GRM8: variants seen among roughly 807,000 people sequenced by gnomAD.
The protein encoded by GRM8 is glutamate metabotropic receptor 8.
A neutral mutation model predicts 87.2 loss-of-function variants in GRM8; 47 were observed. The observed-to-expected ratio is 0.54, with a 90% CI of 0.43 to 0.69. The LOEUF (loss-of-function observed/expected upper bound fraction) is 0.69. Among genes scored for constraint, GRM8 ranks in the 30% least tolerant of loss-of-function variants. The probability of loss-of-function intolerance (pLI) is 0.00; values close to 1 mark genes in which losing one functional copy is unlikely to be tolerated. For missense variants in GRM8, 1,019 were observed against 1,139.2 expected, an observed-to-expected ratio of 0.89 and a Z score of 1.52; for synonymous variants, 396 against 404.5, an observed-to-expected ratio of 0.98 and a Z score of 0.25.
rs186158215 is a variant in GRM8, at chr7:126,469,521, A to C, written c.2431-23149T>G. Among the ~76,000 whole-genome samples, 6 of 152,198 alleles carry C rather than the reference A, an allele frequency of 3.9e-5. No homozygotes were observed. The East Asian group carries it at 1.2e-3, about 30-fold the overall frequency. On this transcript the variant is annotated intron_variant, in intron 9 of 10. Transcript: ENST00000339582. ...TCATGGGAGGGACTCAGTGGGAGGG[A>C]ATTGAATCATGAGGGTGGTTACCTC...
chr7:126,586,171 GA>G (rs1203961944), intron 8 of GRM8, among the ~76,000 whole-genome samples: 1 of 151,358 alleles, frequency 6.6e-6, no homozygotes, highest in African/African-American at 2.4e-5. Context: ...ACTGCTCAAC[GA>G]AAAAAAAGTG....
intron 3 of GRM8, among the ~76,000 whole-genome samples, chr7:126,971,819 T>A (rs150390213): frequency 1.5e-4 from 23 of 152,294 alleles, no homozygotes; most frequent in African/African-American, 5.5e-4. Context: ...TCCAAAGATT[T>A]ATTCAAGGCA....
intron 3 of GRM8, among the ~76,000 whole-genome samples, chr7:127,041,180 A>G (rs1259758573): frequency 6.6e-6 from 1 of 152,214 alleles, no homozygotes; most frequent in African/African-American, 2.4e-5. Context: ...AGTTCTCTGA[A>G]TCAAGGGCCA....
intron 8 of GRM8, among the ~76,000 whole-genome samples, chr7:126,597,832 T>C (rs1420023882): frequency 6.6e-6 from 1 of 152,132 alleles, no homozygotes; most frequent in African/African-American, 2.4e-5. Flanking sequence ...GGGGTACATA[T>C]GACATTTTGA....
At chr7:126,911,324 T>C (rs965218467) in intron 3 of GRM8, among the ~76,000 whole-genome samples, 1 of 152,182 alleles carries the variant, frequency 6.6e-6, no homozygotes, top group Non-Finnish European at 1.5e-5. Context: ...TTATTTACAT[T>C]CTTCTCCCAT....
At chr7:126,928,193 G>A (rs894498391) in intron 3 of GRM8, among the ~76,000 whole-genome samples, 2 of 114,122 alleles carry the variant, frequency 1.8e-5, no homozygotes, top group Non-Finnish European at 3.3e-5. Flanking sequence ...ACAGGGAGGA[G>A]AACATCACAC....
At chr7:126,516,754 T>C (rs1326937800) in intron 9 of GRM8, among the ~76,000 whole-genome samples, 1 of 152,230 alleles carries the variant, frequency 6.6e-6, no homozygotes, top group African/African-American at 2.4e-5. Flanking sequence ...GTGGACCAAA[T>C]AGAAAATACT....
At chr7:126,524,234 T>C (rs1813485046) in intron 9 of GRM8, among the ~76,000 whole-genome samples, 2 of 152,254 alleles carry the variant, frequency 1.3e-5, no homozygotes, top group Non-Finnish European at 2.9e-5. Flanking sequence ...GTCTCATATC[T>C]GACATGCCTT....
chr7:127,077,614 A>G (rs1822417974), intron 3 of GRM8, among the ~76,000 whole-genome samples: 1 of 152,220 alleles, frequency 6.6e-6, no homozygotes. Context: ...TGAATACGAG[A>G]GTATGAGATA....
At chr7:127,166,256 T>G (rs1793445265) in intron 2 of GRM8, among the ~76,000 whole-genome samples, 1 of 152,156 alleles carries the variant, frequency 6.6e-6, no homozygotes, top group Non-Finnish European at 1.5e-5. Context: ...CCTCTTTACC[T>G]CCTGCTTCTT....
intron 9 of GRM8, among the ~76,000 whole-genome samples, chr7:126,495,468 C>T (rs1018438902): frequency 6.6e-6 from 1 of 151,954 alleles, no homozygotes; most frequent in African/African-American, 2.4e-5. Flanking sequence ...AGAAGGATCT[C>T]AAGGCCTTTT....
chr7:127,061,143 G>A (rs1820561323), intron 3 of GRM8, among the ~76,000 whole-genome samples: 1 of 152,108 alleles, frequency 6.6e-6, no homozygotes, highest in South Asian at 2.1e-4. Context: ...CACATGAACT[G>A]AAGCAAAATA....
intron 9 of GRM8, among the ~76,000 whole-genome samples, chr7:126,524,570 T>C (rs1813537392): frequency 6.6e-6 from 1 of 152,172 alleles, no homozygotes; most frequent in South Asian, 2.1e-4. Flanking sequence ...CTTCCTTCTG[T>C]TTTGTTTTTG....
chr7:127,094,358 CA>C (rs2132943418), intron 3 of GRM8, among the ~76,000 whole-genome samples: 1 of 152,330 alleles, frequency 6.6e-6, no homozygotes, highest in African/African-American at 2.4e-5. Flanking sequence ...GCTCTGATCA[CA>C]GAAGCTAATC....
intron 2 of GRM8, among the ~76,000 whole-genome samples, chr7:127,222,966 C>G (rs528924963): frequency 6.6e-6 from 1 of 152,080 alleles, no homozygotes; most frequent in Admixed American, 6.6e-5. Flanking sequence ...AATTAATGGA[C>G]GTTCTCAAAA....
chr7:127,251,030 T>C (rs1329079047), intron 1 of GRM8: 2 of 152,364 alleles, frequency 1.3e-5, no homozygotes, highest in East Asian at 3.9e-4. Flanking sequence ...TATTCTTGGG[T>C]GTTCCAGAGA....
intron 8 of GRM8, among the ~76,000 whole-genome samples, chr7:126,555,721 T>C (rs1405168935): frequency 6.6e-6 from 1 of 152,250 alleles, no homozygotes; most frequent in African/African-American, 2.4e-5. Context: ...TAGCTCTGTT[T>C]AGCTCAGTTT....
chr7:126,994,871 G>A (rs1813026689), intron 3 of GRM8, among the ~76,000 whole-genome samples: 1 of 152,096 alleles, frequency 6.6e-6, no homozygotes, highest in Admixed American at 6.6e-5. Flanking sequence ...CCTACTGATT[G>A]TAGATCCCTA....
intron 8 of GRM8, among the ~76,000 whole-genome samples, chr7:126,541,261 A>G (rs146371604): frequency 6.6e-6 from 1 of 152,338 alleles, no homozygotes; most frequent in Non-Finnish European, 1.5e-5. Context: ...GTTGCACAGG[A>G]GACAAGGCAC....
Sources: allele counts gnomAD v4.1 joint callset (sites outside exome capture counted in the v4.1 genomes callset), GRCh38; gene constraint gnomAD v4.1.1; transcripts MANE v1.5; gene names NCBI Gene and HGNC (gene_info 2026-07-23, HGNC 2026-07-21).